Variants in ADGRL2 observed in about 807,000 individuals in gnomAD.
ADGRL2 encodes the protein adhesion G protein-coupled receptor L2.
In ADGRL2, 44 loss-of-function variants were observed where a neutral mutation model predicts 157.4. The observed-to-expected ratio is 0.28, with a 90% confidence interval of 0.22 to 0.36. The LOEUF (loss-of-function observed/expected upper bound fraction) is 0.36. ADGRL2 is among the 10% of genes least tolerant of loss of function. The pLI is 1.00. For synonymous variants in ADGRL2, 585 were observed against 624.7 expected, an observed-to-expected ratio of 0.94 and a Z score of 0.95; for missense variants, 1,510 against 1,768.9, an observed-to-expected ratio of 0.85 and a Z score of 2.63.
intron 2 of ADGRL2, among the ~76,000 whole-genome samples, chr1:81,452,853 G>A (rs1284612942): frequency 9.9e-5 from 15 of 152,178 alleles, no homozygotes; most frequent in African/African-American, 3.6e-4. Flanking sequence ...CCTGAACAGG[G>A]AAGAGAGTGT....
intron 3 of ADGRL2, among the ~76,000 whole-genome samples, chr1:81,609,200 T>C (rs1156849707): frequency 6.6e-6 from 1 of 151,950 alleles, no homozygotes; most frequent in Admixed American, 6.6e-5. Context: ...CCACCACACC[T>C]GGCTAATTTT....
intron 2 of ADGRL2, among the ~76,000 whole-genome samples, chr1:81,842,961 T>G (rs111435355): frequency 0.023 from 3,448 of 152,144 alleles, 137 homozygotes; most frequent in African/African-American, 0.079. Flanking sequence ...AGGAGGTAAA[T>G]TTTTAGCAAG....
intron 1 of ADGRL2, among the ~76,000 whole-genome samples, chr1:81,810,660 T>A (rs541817447): frequency 5.3e-5 from 8 of 152,042 alleles, no homozygotes; most frequent in African/African-American, 1.9e-4. Flanking sequence ...TCTATGCTTA[T>A]GTATTTTTGT....
At chr1:81,808,041 C>G (rs2089390836) in intron 1 of ADGRL2, among the ~76,000 whole-genome samples, 1 of 151,492 alleles carries the variant, frequency 6.6e-6, no homozygotes, top group South Asian at 2.1e-4. Context: ...AATAAAGGAA[C>G]CAAGCGCTTA....
chr1:81,821,995 C>G (rs1282267479), intron 1 of ADGRL2, among the ~76,000 whole-genome samples: 2 of 146,778 alleles, frequency 1.4e-5, no homozygotes, highest in East Asian at 4.0e-4. Flanking sequence ...AAATAACCTG[C>G]AATGCTGTGT....
chr1:81,534,785 C>T (rs898868221), intron 2 of ADGRL2, among the ~76,000 whole-genome samples: 1 of 152,158 alleles, frequency 6.6e-6, no homozygotes, highest in Admixed American at 6.5e-5. Flanking sequence ...CTGAGAGACA[C>T]CTTGCATGGC....
chr1:81,391,782 T>C (rs2076564157), intron 1 of ADGRL2, among the ~76,000 whole-genome samples: 2 of 152,176 alleles, frequency 1.3e-5, no homozygotes, highest in South Asian at 4.1e-4. Context: ...ATTCTGGCTT[T>C]TTTTTCTGGA....
intron 3 of ADGRL2, among the ~76,000 whole-genome samples, chr1:81,666,040 T>G (rs1047959946): frequency 1.2e-4 from 18 of 152,112 alleles, no homozygotes; most frequent in Admixed American, 1.1e-3. Context: ...TCCTAAACAA[T>G]CAAACAAATA....
At chr1:81,902,453 C>G (rs2094504494) in intron 2 of ADGRL2, among the ~76,000 whole-genome samples, 1 of 151,978 alleles carries the variant, frequency 6.6e-6, no homozygotes, top group Non-Finnish European at 1.5e-5. Flanking sequence ...CAAAAATTAG[C>G]CGGTCATGGT....
At chr1:81,477,493 A>G (rs1252051310) in intron 2 of ADGRL2, among the ~76,000 whole-genome samples, 2 of 152,214 alleles carry the variant, frequency 1.3e-5, no homozygotes, top group African/African-American at 4.8e-5. Flanking sequence ...GCAAAGAAAC[A>G]AGTTTCCTGG....
At chr1:81,909,748 C>A (rs1445242948) in intron 3 of ADGRL2, among the ~76,000 whole-genome samples, 1 of 151,414 alleles carries the variant, frequency 6.6e-6, no homozygotes. Context: ...TATATGTTGC[C>A]CAAGATGGTT....
chr1:81,809,311 A>T (rs1254501734), intron 1 of ADGRL2, among the ~76,000 whole-genome samples: 1 of 152,028 alleles, frequency 6.6e-6, no homozygotes, highest in Admixed American at 6.6e-5. Flanking sequence ...ATATATTGTT[A>T]AAAATTGGGT....
chr1:81,889,333 A>C (rs2094205822), intron 2 of ADGRL2, among the ~76,000 whole-genome samples: 1 of 152,240 alleles, frequency 6.6e-6, no homozygotes, highest in Non-Finnish European at 1.5e-5. Context: ...GTGAACACAT[A>C]GATGATAAGA....
intron 3 of ADGRL2, among the ~76,000 whole-genome samples, chr1:81,933,497 A>T (rs866950793): frequency 6.6e-6 from 1 of 152,148 alleles, no homozygotes; most frequent in South Asian, 2.1e-4. Flanking sequence ...TCTTGGCTTA[A>T]CTCTACCTTT....
intron 3 of ADGRL2, among the ~76,000 whole-genome samples, chr1:81,629,903 A>C (rs2081980876): frequency 6.6e-6 from 1 of 151,840 alleles, no homozygotes; most frequent in Admixed American, 6.6e-5. Context: ...ATTTTTTATT[A>C]ATCCTTTATA....
intron 3 of ADGRL2, among the ~76,000 whole-genome samples, chr1:81,926,908 C>G (rs528637557): frequency 6.6e-6 from 1 of 151,782 alleles, no homozygotes; most frequent in Non-Finnish European, 1.5e-5. Flanking sequence ...CCCCAAGGTC[C>G]GGTAAAAACT....
At chr1:81,347,995 G>A (rs1662600133) in intron 1 of ADGRL2, among the ~76,000 whole-genome samples, 1 of 152,170 alleles carries the variant, frequency 6.6e-6, no homozygotes, top group Non-Finnish European at 1.5e-5. Flanking sequence ...AAAATCATCA[G>A]GCATGTCACT....
chr1:81,562,573 A>T (rs17421588), intron 2 of ADGRL2, among the ~76,000 whole-genome samples: 3,799 of 152,250 alleles, frequency 0.025, 77 homozygotes, highest in East Asian at 0.038. Flanking sequence ...CCTCAGCTGG[A>T]AAATATCAAT....
At chr1:81,491,497 C>T (rs1328516705) in intron 2 of ADGRL2, among the ~76,000 whole-genome samples, 1 of 151,850 alleles carries the variant, frequency 6.6e-6, no homozygotes, top group Admixed American at 6.6e-5. Flanking sequence ...TGAAGAGACA[C>T]ATAATTCTAG....
Sources: gnomAD v4.1 joint callset for allele counts (sites outside exome capture counted in the v4.1 genomes callset) on GRCh38, gnomAD v4.1.1 for gene constraint, MANE v1.5 for transcripts, NCBI Gene and HGNC (gene_info 2026-07-23, HGNC 2026-07-21) for gene names.